The following SLC1A2 variants were observed in gnomAD, a reference collection of about 807,000 sequenced individuals.
The protein encoded by SLC1A2 is excitatory amino acid transporter 2.
Under a neutral mutation model 48.8 loss-of-function variants are expected in SLC1A2, and 15 were observed. The observed-to-expected ratio is 0.31, with a 90% confidence interval of 0.21 to 0.47. The LOEUF (loss-of-function observed/expected upper bound fraction) is 0.47. Among genes scored for constraint, SLC1A2 ranks in the 20% least tolerant of loss-of-function variants. The pLI is 0.99. For synonymous variants in SLC1A2, 279 were observed against 272.6 expected (o/e 1.02, Z -0.23); for missense variants, 502 against 730.5 (o/e 0.69, Z 3.61).
chr11:35,296,377 T>C (rs1429993637), intron 6 of SLC1A2, among the ~76,000 whole-genome samples: 1 of 152,192 alleles, frequency 6.6e-6, no homozygotes, highest in Non-Finnish European at 1.5e-5. Flanking sequence ...TCACAAATCT[T>C]CATCTTTCCC....
At chr11:35,368,792 A>G (rs1475159780) in intron 1 of SLC1A2, among the ~76,000 whole-genome samples, 1 of 152,180 alleles carries the variant, frequency 6.6e-6, no homozygotes, top group Non-Finnish European at 1.5e-5. Flanking sequence ...GATGTCCCTG[A>G]CACGTCTTTG....
At chr11:35,292,202 G>C (rs1851032063) in intron 7 of SLC1A2, 85 bp downstream of exon 7, 5 of 932,826 alleles carry the variant, frequency 5.4e-6, no homozygotes. Flanking sequence ...ATTGAACTTT[G>C]TGATGGGAGG....
intron 1 of SLC1A2, chr11:35,399,635 A>T: frequency 1.0e-6 from 1 of 981,022 alleles, no homozygotes; most frequent in Non-Finnish European, 1.2e-6. Context: ...GGAGTATTCA[A>T]TCATCTATTC....
chr11:35,316,629 T>C (rs183650423), intron 2 of SLC1A2: 2 of 152,382 alleles, frequency 1.3e-5, no homozygotes, highest in African/African-American at 2.4e-5. Flanking sequence ...GAAGGACAAG[T>C]TGTTCACTGC....
intron 1 of SLC1A2, among the ~76,000 whole-genome samples, chr11:35,416,084 C>T (rs1590296958): frequency 1.3e-5 from 2 of 152,208 alleles, no homozygotes; most frequent in South Asian, 4.1e-4. Context: ...CTGGGAACTA[C>T]CAAAGAGTCC....
At chr11:35,394,184 G>A (rs887288625) in intron 1 of SLC1A2, among the ~76,000 whole-genome samples, 1 of 152,026 alleles carries the variant, frequency 6.6e-6, no homozygotes, top group Non-Finnish European at 1.5e-5. Context: ...CAGGCAGCAG[G>A]GGAGTCCTGG....
rs183640431 is a variant in SLC1A2 at position 35,313,395 on chromosome 11, A to T, written c.311-947T>A. Among the ~76,000 whole-genome samples the T allele has an allele frequency of 7.9e-5, 12 of 152,308 alleles. No homozygotes were observed. The East Asian group carries it at 2.1e-3, about 27-fold the overall frequency. On this transcript the variant is annotated intron_variant, in intron 3 of 10. Coordinates refer to ENST00000278379, the MANE Select transcript of SLC1A2 (RefSeq NM_004171.4). Reference sequence around the variant, plus strand: ...TGCCAATGGTGGGCACTTCATCTATACCTAGGGAGGTTAGAGGAAATTCCA... The same window carrying T: ...TGCCAATGGTGGGCACTTCATCTATTCCTAGGGAGGTTAGAGGAAATTCCA...
In SLC1A2 at chr11:35,312,322, T is replaced by C. The variant is rs746958194; in HGVS notation, c.437A>G (p.Asn146Ser). ...VILVLAIHPG[N>S]PKLKKQLGPG... ...CCCCAGCTGCTTCTTGAGCTTGGGATTGCCTGGATGGATAGCCAAGACCAG... is the reference window on the plus strand; with the variant it reads ...CCCCAGCTGCTTCTTGAGCTTGGGACTGCCTGGATGGATAGCCAAGACCAG... The change falls in exon 4 of 11, where the codon AAT (asparagine) becomes AGT (serine). Residue 146 changes from asparagine to serine, a missense_variant. Asn to Ser is a conservative substitution (Grantham distance 46). Around this residue, in one of 4 missense-constraint regions of SLC1A2, gnomAD observed 309 missense variants for 480.3 expected, o/e 0.64. Coordinates refer to ENST00000278379, the MANE Select transcript of SLC1A2 (RefSeq NM_004171.4). 5 of 1,614,132 alleles carry C rather than the reference T, an allele frequency of 3.1e-6. No individual in the cohort carries two copies. The South Asian group carries it at 5.5e-5, about 18-fold the overall frequency.
At position 35,251,858 on chromosome 11, in the gene SLC1A2, G is replaced by A. The variant is rs1950243612; in HGVS notation, c.*9036C>T. 6.6e-6 allele frequency: 1 copy of A among 152,562 alleles called. No individual in the cohort carries two copies. Among genetic ancestry groups the A allele is most frequent in the African/African-American group, 2.4e-5 (1 of 41,426 alleles). The allele number at this position is 152,562 out of a possible 1,614,324, so 9.5% of individuals were successfully genotyped here. On this transcript the variant is annotated 3_prime_UTR_variant, in exon 11 of 11. Transcript: ENST00000278379. ...CATGGCTAGTTCTTCTCTGTCCTTG[G>A]GGAGGAGAAAGGGGTTACAGGAACT... is the stretch of plus-strand genomic sequence containing the variant.
rs1034644760 is a variant in SLC1A2 at position 35,395,263 on chromosome 11, G to GT, written c.17+23686dup. Reference sequence around the variant, plus strand: ...GACTTCCTGTCAAAAGTTTAGGAGTGTTTTTTTTTTTTCTCTTAACTTCTG... The same window carrying GT: ...GACTTCCTGTCAAAAGTTTAGGAGTGTTTTTTTTTTTTTCTCTTAACTTCTG... On this transcript the variant is annotated intron_variant, in intron 1 of 10. Coordinates refer to ENST00000278379, the MANE Select transcript of SLC1A2 (RefSeq NM_004171.4). Among the ~76,000 whole-genome samples, 774 of 144,386 alleles carry GT rather than the reference G, an allele frequency of 5.4e-3. 1 individual carries two copies. The highest frequency in any genetic ancestry group is 8.3e-3 in the Non-Finnish European group (543 of 65,246). 94.7% of individuals were successfully genotyped at this position (144,386 alleles called of 152,430 possible). A position where few individuals can be genotyped will look rare whatever the true frequency, so the allele number is the denominator to read the frequency against.
At chr11:35,295,779 A>G (rs1350027556) in intron 6 of SLC1A2, among the ~76,000 whole-genome samples, 1 of 152,160 alleles carries the variant, frequency 6.6e-6, no homozygotes, top group East Asian at 1.9e-4. Flanking sequence ...TTTGTCTTTC[A>G]GCCCTTGCCA....
chr11:35,358,876 T>C (rs1397976997), intron 1 of SLC1A2, among the ~76,000 whole-genome samples: 2 of 152,184 alleles, frequency 1.3e-5, no homozygotes, highest in African/African-American at 4.8e-5. Flanking sequence ...GTGGTCATTG[T>C]CACACCCACA....
chr11:35,343,495 C>A (rs114471508), intron 1 of SLC1A2, among the ~76,000 whole-genome samples: 423 of 152,344 alleles, frequency 2.8e-3, no homozygotes, highest in African/African-American at 0.01. Context: ...GCAAACCCCA[C>A]TGGGCATGAC....
chr11:35,316,224 C>T (rs1035195185), intron 2 of SLC1A2: 2 of 152,186 alleles, frequency 1.3e-5, no homozygotes, highest in Non-Finnish European at 2.9e-5. Context: ...TATATCTCTG[C>T]AAATGGGTGG....
At chr11:35,288,691 T>C (rs891162182) in intron 7 of SLC1A2, among the ~76,000 whole-genome samples, 4 of 152,210 alleles carry the variant, frequency 2.6e-5, no homozygotes, top group African/African-American at 7.2e-5. Flanking sequence ...CTGGGAAAAA[T>C]GATTGGTAAG....
At chr11:35,262,296 A>G (rs1391509426) in intron 10 of SLC1A2, among the ~76,000 whole-genome samples, 1 of 152,236 alleles carries the variant, frequency 6.6e-6, no homozygotes, top group African/African-American at 2.4e-5. Flanking sequence ...TGCCTTTGAA[A>G]GACCAGACAG....
At chr11:35,321,328 G>C (rs1424253984) in intron 1 of SLC1A2, among the ~76,000 whole-genome samples, 1 of 152,176 alleles carries the variant, frequency 6.6e-6, no homozygotes, top group Non-Finnish European at 1.5e-5. Flanking sequence ...AAGGATAGCA[G>C]TGTGTGGGGA....
chr11:35,400,694 C>CT (rs34046951), intron 1 of SLC1A2, among the ~76,000 whole-genome samples: 19 of 152,110 alleles, frequency 1.2e-4, no homozygotes, highest in African/African-American at 4.1e-4. Context: ...AGAGGGATAA[C>CT]TTTTTTTTAA....
chr11:35,317,239 C>G, intron 2 of SLC1A2, 138 bp downstream of exon 2: 1 of 779,616 alleles, frequency 1.3e-6, no homozygotes, highest in Non-Finnish European at 2.0e-6. Context: ...ATCACTGAAG[C>G]CTGGGCAGAC....
Sources: allele counts gnomAD v4.1 joint callset (sites outside exome capture counted in the v4.1 genomes callset), GRCh38; gene constraint gnomAD v4.1.1; regional missense constraint gnomAD v4.1.1; transcripts MANE v1.5; gene names NCBI Gene and HGNC (gene_info 2026-07-23, HGNC 2026-07-21).